The following AGMO variants were observed in gnomAD, a reference collection of about 807,000 sequenced individuals.
The protein encoded by AGMO is alkylglycerol monooxygenase, also known as glyceryl-ether monooxygenase.
Under a neutral mutation model 60.2 loss-of-function variants are expected in AGMO, and 75 were observed. The observed-to-expected ratio is 1.25, with a 90% confidence interval of 1.03 to 1.51. AGMO has a LOEUF of 1.51. Ranked by LOEUF, AGMO falls within the 40% of genes most tolerant of loss-of-function variation. The pLI is 0.00. For synonymous variants in AGMO, 261 were observed against 177.1 expected (o/e 1.47, Z -3.76); for missense variants, 763 against 525.5 (o/e 1.45, Z -4.42).
rs1780840763 is a variant in AGMO at position 15,418,559 on chromosome 7, T to C, written c.608A>G (p.Glu203Gly). The C allele has an allele frequency of 1.3e-6, 2 of 1,580,406 alleles. No homozygotes were observed. Among genetic ancestry groups the C allele is most frequent in the South Asian group, 2.3e-5 (2 of 87,592 alleles). ...TACAAAGATAAAAAAAAGTTTTACC[T>C]CTGTATGGATCCAAAATTGGTAAAG... ...NLLYQFWIHTEVINNLGPLEL... is the reference protein window; with the variant it reads ...NLLYQFWIHTGVINNLGPLEL... The change falls in exon 5 of 13, where the codon GAG becomes GGG. Residue 203 changes from glutamate to glycine, a missense_variant and splice_region_variant. Glu to Gly is a moderately conservative substitution (Grantham distance 98). Transcript: ENST00000342526.
At chr7:15,145,074 C>A in the AGMO span, among the ~76,000 whole-genome samples, 5 of 152,164 alleles carry the variant, frequency 3.3e-5, no homozygotes, top group Non-Finnish European at 4.4e-5. Context: ...GTGATCCGCC[C>A]GCCTCGGCCC....
chr7:15,492,356 AC>A lies in AGMO; in HGVS notation c.409+52415del, dbSNP rs1408079822. ...CTTGCAAGTCATTTTGAGGCCCAAT[AC>A]GAAAAAAAAAAAAAAAAAACATTAA... On this transcript the variant is annotated intron_variant, in intron 3 of 12. Transcript: ENST00000342526. 6.8e-5 allele frequency among the ~76,000 whole-genome samples: 6 copies of A among 88,030 alleles called. 1 individual carries two copies. In the East Asian group the frequency reaches 3.8e-3, roughly 56 times the overall value. 57.8% of individuals were successfully genotyped at this position (88,030 alleles called of 152,430 possible). A position where few individuals can be genotyped will look rare whatever the true frequency, so the allele number is the denominator to read the frequency against.
At chr7:15,432,369 C>CAT (rs1227247441) in intron 3 of AGMO, among the ~76,000 whole-genome samples, 3 of 50,710 alleles carry the variant, frequency 5.9e-5, no homozygotes, top group South Asian at 7.6e-4. Flanking sequence ...TATACACACA[C>CAT]ATATATATAT....
At chr7:15,215,293 G>T (rs1435444861) in intron 12 of AGMO, among the ~76,000 whole-genome samples, 3 of 151,988 alleles carry the variant, frequency 2.0e-5, no homozygotes, top group Non-Finnish European at 2.9e-5. Flanking sequence ...ATTATAATTG[G>T]CTAAATTTCT....
intron 3 of AGMO, among the ~76,000 whole-genome samples, chr7:15,536,575 A>G (rs2128544636): frequency 6.6e-6 from 1 of 151,990 alleles, no homozygotes; most frequent in South Asian, 2.1e-4. Context: ...TCTCTGATTC[A>G]CAATAGAATA....
intron 2 of AGMO, among the ~76,000 whole-genome samples, chr7:15,545,754 A>G (rs1242091014): frequency 1.3e-5 from 2 of 152,062 alleles, no homozygotes; most frequent in Non-Finnish European, 2.9e-5. Flanking sequence ...AATTTTAGAA[A>G]GTATATTATT....
chr7:15,548,318 A>C (rs547385058), intron 2 of AGMO, among the ~76,000 whole-genome samples: 1 of 152,244 alleles, frequency 6.6e-6, no homozygotes, highest in East Asian at 1.9e-4. Flanking sequence ...TGGATGGAGA[A>C]TGACTTTGAC....
intron 8 of AGMO, 140 bp from the exon 9 acceptor site, chr7:15,387,680 G>GT (rs559228633): frequency 1.4e-6 from 1 of 697,788 alleles, no homozygotes; most frequent in South Asian, 2.1e-5. Flanking sequence ...ACAGAAATGT[G>GT]TAATTGCATT....
chr7:15,419,657 GTCA>G (rs1449856232), intron 4 of AGMO, among the ~76,000 whole-genome samples: 1 of 148,326 alleles, frequency 6.7e-6, no homozygotes, highest in Non-Finnish European at 1.5e-5. Context: ...AATTTCAACT[GTCA>G]TCATAAGTAG....
intron 12 of AGMO, among the ~76,000 whole-genome samples, chr7:15,262,362 C>A (rs549248097): frequency 1.3e-5 from 2 of 151,972 alleles, no homozygotes; most frequent in Non-Finnish European, 2.9e-5. Context: ...ATTAATAACT[C>A]AACCCCATTT....
intron 3 of AGMO, among the ~76,000 whole-genome samples, chr7:15,432,359 T>TAC (rs1196205505): frequency 2.0e-5 from 2 of 100,102 alleles, no homozygotes; most frequent in African/African-American, 3.4e-5. Flanking sequence ...TACATATATA[T>TAC]ATACACACAC....
chr7:15,359,940 T>C (rs781661397), intron 12 of AGMO, among the ~76,000 whole-genome samples: 9 of 152,232 alleles, frequency 5.9e-5, no homozygotes, highest in East Asian at 1.9e-4. Context: ...GGAGAACTTA[T>C]GTGTTCCTTA....
At chr7:15,381,929 C>T (rs1435489008) in intron 10 of AGMO, among the ~76,000 whole-genome samples, 2 of 152,018 alleles carry the variant, frequency 1.3e-5, no homozygotes, top group Non-Finnish European at 2.9e-5. Flanking sequence ...GAACAGAAAA[C>T]CAAATACTGC....
chr7:15,372,676 T>G (rs1357449232), intron 10 of AGMO, among the ~76,000 whole-genome samples: 1 of 152,134 alleles, frequency 6.6e-6, no homozygotes, highest in East Asian at 1.9e-4. Flanking sequence ...CTATAAATAT[T>G]TAGTCTCCTG....
At chr7:15,411,021 G>A (rs1431408727) in intron 5 of AGMO, among the ~76,000 whole-genome samples, 1 of 151,920 alleles carries the variant, frequency 6.6e-6, no homozygotes, top group Admixed American at 6.6e-5. Flanking sequence ...ATGTGATTAG[G>A]TCATTAGGGT....
rs575844795 is a variant in AGMO, at chr7:15,394,543, G to C, written c.610-364C>G. 2.0e-3 allele frequency among the ~76,000 whole-genome samples: 299 copies of C among 152,152 alleles called. 1 individual carries two copies. Among genetic ancestry groups the C allele is most frequent in the African/African-American group, 6.7e-3 (278 of 41,528 alleles). On this transcript the variant is annotated intron_variant, in intron 5 of 12. Transcript: ENST00000342526. ...AGTAACATATCTACATAATAACGTT[G>C]TTCTGAGGATTATGAATGTTACTGT... is the stretch of plus-strand genomic sequence containing the variant.
intron 3 of AGMO, among the ~76,000 whole-genome samples, chr7:15,543,032 GA>G (rs1784675177): frequency 6.6e-6 from 1 of 152,042 alleles, no homozygotes; most frequent in Non-Finnish European, 1.5e-5. Flanking sequence ...GCTTGGGAAG[GA>G]TATTTGGTCA....
At chr7:15,135,498 T>A in the AGMO span, among the ~76,000 whole-genome samples, 1 of 152,122 alleles carries the variant, frequency 6.6e-6, no homozygotes, top group African/African-American at 2.4e-5. Flanking sequence ...ACAGGCTAGC[T>A]TAGAAAATGA....
the AGMO span, among the ~76,000 whole-genome samples, chr7:15,168,303 G>C: frequency 3.9e-5 from 6 of 152,122 alleles, no homozygotes; most frequent in Non-Finnish European, 4.4e-5. Context: ...TGCAACAGAA[G>C]TAAAGAATCA....
Sources: gnomAD v4.1 joint callset for allele counts (sites outside exome capture counted in the v4.1 genomes callset) on GRCh38, gnomAD v4.1.1 for gene constraint, MANE v1.5 for transcripts, NCBI Gene and HGNC (gene_info 2026-07-23, HGNC 2026-07-21) for gene names.